Variants in MCTP2 observed in about 807,000 individuals in gnomAD.
MCTP2 encodes the protein multiple C2 and transmembrane domain-containing protein 2.
Under a neutral mutation model 111.6 loss-of-function variants are expected in MCTP2, and 132 were observed. The ratio of observed to expected loss-of-function variants is 1.18; its 90% confidence interval spans 1.03 to 1.37. MCTP2 has a LOEUF of 1.37. MCTP2 is among the 40% of genes most tolerant of loss of function. The pLI is 0.00. For synonymous variants in MCTP2, 395 were observed against 387.7 expected (o/e 1.02, Z -0.22); for missense variants, 1,183 against 1,067.9 (o/e 1.11, Z -1.50).
chr15:94,298,488 T>C lies in MCTP2; in HGVS notation c.223T>C (p.Tyr75His). The change falls in exon 2 of 23, where the codon TAC (tyrosine) becomes CAC (histidine). Residue 75 changes from tyrosine to histidine, a missense_variant. Physicochemically the swap from Tyr to His is moderately conservative, Grantham distance 83. Transcript: ENST00000357742. Reference protein sequence around the residue: ...GRPYSGPQSSYTSVPSSLSTA... With the variant: ...GRPYSGPQSSHTSVPSSLSTA... Reference sequence around the variant, plus strand: ...GCCTTACTCCGGGCCACAGTCTTCCTACACCTCGGTGCCCAGCAGTCTGTC... The same window carrying C: ...GCCTTACTCCGGGCCACAGTCTTCCCACACCTCGGTGCCCAGCAGTCTGTC... The C allele has an allele frequency of 2.5e-6, 4 of 1,614,064 alleles. No individual in the cohort carries two copies. Among genetic ancestry groups the C allele is most frequent in the Non-Finnish European group, 2.5e-6 (3 of 1,179,982 alleles).
chr15:94,410,149 T>A (rs903897594), intron 17 of MCTP2, among the ~76,000 whole-genome samples: 1 of 152,176 alleles, frequency 6.6e-6, no homozygotes, highest in Non-Finnish European at 1.5e-5. Flanking sequence ...CTATCTGATA[T>A]AACTATTGGT....
At chr15:94,326,829 A>ACCT (rs2076905634) in intron 4 of MCTP2, among the ~76,000 whole-genome samples, 1 of 19,646 alleles carries the variant, frequency 5.1e-5, no homozygotes, top group Non-Finnish European at 1.0e-4. Flanking sequence ...CCCCCCCCCA[A>ACCT]CCTCGGCCTC....
At chr15:94,319,404 G>A (rs1213842030) in intron 4 of MCTP2, among the ~76,000 whole-genome samples, 1 of 152,162 alleles carries the variant, frequency 6.6e-6, no homozygotes, top group Non-Finnish European at 1.5e-5. Flanking sequence ...TGGACCAATA[G>A]TTCTCAAAAT....
At chr15:94,390,199 C>T (rs893226159) in intron 14 of MCTP2, among the ~76,000 whole-genome samples, 7 of 150,038 alleles carry the variant, frequency 4.7e-5, no homozygotes, top group African/African-American at 1.7e-4. Context: ...TTTCATTTGT[C>T]TTCAATCTTT....
At chr15:94,301,482 T>C (rs981326400) in intron 2 of MCTP2, among the ~76,000 whole-genome samples, 2 of 152,208 alleles carry the variant, frequency 1.3e-5, no homozygotes, top group Admixed American at 1.3e-4. Flanking sequence ...TCCTTACTTA[T>C]CTTCTCCACT....
chr15:94,279,061 G>A (rs1427514677), intron 1 of MCTP2, among the ~76,000 whole-genome samples: 3 of 152,052 alleles, frequency 2.0e-5, no homozygotes, highest in African/African-American at 7.2e-5. Context: ...GATACCTCTG[G>A]CTTTGTTCTT....
chr15:94,320,596 C>T (rs942440674), intron 4 of MCTP2, among the ~76,000 whole-genome samples: 2 of 152,160 alleles, frequency 1.3e-5, no homozygotes, highest in Non-Finnish European at 2.9e-5. Flanking sequence ...AGTACCTTTT[C>T]AGAATGAACA....
intron 10 of MCTP2, among the ~76,000 whole-genome samples, chr15:94,367,043 C>G (rs1035836469): frequency 1.3e-5 from 2 of 152,230 alleles, no homozygotes; most frequent in Non-Finnish European, 2.9e-5. Context: ...AGAAACCCAC[C>G]TGGGGAAACC....
intron 14 of MCTP2, among the ~76,000 whole-genome samples, chr15:94,391,773 C>A (rs1343270199): frequency 6.6e-6 from 1 of 152,148 alleles, no homozygotes; most frequent in African/African-American, 2.4e-5. Context: ...AGTAGACAGT[C>A]TAGGTGTTTG....
intron 17 of MCTP2, 136 bp from the exon 18 acceptor site, chr15:94,440,040 C>T (rs2289008): frequency 0.075 from 71,991 of 958,354 alleles, 3,075 homozygotes; most frequent in East Asian, 0.16. Context: ...TGTGTGTGTG[C>T]GTACCTGTTT....
chr15:94,438,404 G>A (rs2083594305), intron 17 of MCTP2, among the ~76,000 whole-genome samples: 1 of 152,064 alleles, frequency 6.6e-6, no homozygotes, highest in Admixed American at 6.5e-5. Context: ...AGAGGAATAG[G>A]ACTGAGGAAG....
At chr15:94,313,016 A>G (rs1482828455) in intron 2 of MCTP2, among the ~76,000 whole-genome samples, 1 of 152,060 alleles carries the variant, frequency 6.6e-6, no homozygotes. Context: ...CCCTACCCGC[A>G]GTGGCTCATG....
chr15:94,375,166 A>G (rs1313229137), intron 12 of MCTP2, among the ~76,000 whole-genome samples: 1 of 152,124 alleles, frequency 6.6e-6, no homozygotes, highest in African/African-American at 2.4e-5. Context: ...GAGCAGGACC[A>G]ATGGATAGGG....
chr15:94,288,981 AAAG>A (rs1447634015), intron 1 of MCTP2, among the ~76,000 whole-genome samples: 1 of 152,350 alleles, frequency 6.6e-6, no homozygotes, highest in Admixed American at 6.5e-5. Context: ...CAATCTGAAG[AAAG>A]AAGAAGATTG....
chr15:94,354,902 A>G (rs1381109101), intron 8 of MCTP2, among the ~76,000 whole-genome samples: 1 of 152,202 alleles, frequency 6.6e-6, no homozygotes, highest in Non-Finnish European at 1.5e-5. Context: ...ATAGCGAGCG[A>G]TGACAGGAAT....
chr15:94,239,647 T>C (rs2070797957), intron 1 of MCTP2, among the ~76,000 whole-genome samples: 1 of 152,242 alleles, frequency 6.6e-6, no homozygotes, highest in South Asian at 2.1e-4. Context: ...TTCAGCATTT[T>C]AGGCCTGTCT....
At chr15:94,289,739 G>A (rs997228678) in intron 1 of MCTP2, among the ~76,000 whole-genome samples, 1 of 152,068 alleles carries the variant, frequency 6.6e-6, no homozygotes, top group Non-Finnish European at 1.5e-5. Flanking sequence ...AGACCTATAC[G>A]CTGGTATGGT....
At chr15:94,318,266 A>C (rs556537106) in intron 4 of MCTP2, among the ~76,000 whole-genome samples, 2 of 137,110 alleles carry the variant, frequency 1.5e-5, no homozygotes, top group East Asian at 4.3e-4. Flanking sequence ...TTTCTTCAAA[A>C]AAAAAATTTT....
intron 1 of MCTP2, among the ~76,000 whole-genome samples, chr15:94,261,615 A>AT (rs537137292): frequency 5.6e-4 from 86 of 152,346 alleles, no homozygotes; most frequent in African/African-American, 2.1e-3. Flanking sequence ...TTTCCCTCAC[A>AT]CCATGAGATA....
Sources: allele counts gnomAD v4.1 joint callset (sites outside exome capture counted in the v4.1 genomes callset), GRCh38; gene constraint gnomAD v4.1.1; transcripts MANE v1.5; gene names NCBI Gene and HGNC (gene_info 2026-07-23, HGNC 2026-07-21).